The following CCDC25 variants were observed in gnomAD, a reference collection of about 807,000 sequenced individuals.
CCDC25 encodes coiled-coil domain-containing protein 25.
Under a neutral mutation model 35.3 loss-of-function variants are expected in CCDC25, and 16 were observed. The ratio of observed to expected loss-of-function variants is 0.45; its 90% CI spans 0.31 to 0.69. CCDC25 has a LOEUF of 0.69. Ranked by LOEUF, CCDC25 falls within the 30% of genes least tolerant of loss-of-function variation. The pLI, the probability that CCDC25 is intolerant of heterozygous loss-of-function variation, is 0.06. For synonymous variants in CCDC25, 79 were observed against 80.3 expected (o/e 0.98, Z 0.09); for missense variants, 179 against 250.7 (o/e 0.71, Z 1.93).
At position 27,733,797 on chromosome 8, in the gene CCDC25, C is replaced by T. The variant is rs1359398979; in HGVS notation, c.*2419G>A. 6.6e-6 allele frequency: 1 copy of T among 152,182 alleles called. No individual in the cohort carries two copies. The highest frequency in any genetic ancestry group is 6.5e-5 in the Admixed American group (1 of 15,284). 9.4% of individuals were successfully genotyped at this position (152,182 alleles called of 1,614,324 possible). On this transcript the variant is annotated 3_prime_UTR_variant, in exon 9 of 9. Transcript: ENST00000356537. Reference sequence around the variant, plus strand: ...AAATTGTTCCTTTTCCATTTTGCCACCCTGCTCAGTTTTCCTCATAAACGG... The same window carrying T: ...AAATTGTTCCTTTTCCATTTTGCCATCCTGCTCAGTTTTCCTCATAAACGG...
In CCDC25 at chr8:27,765,269, T is replaced by A. The variant is rs1315139522; in HGVS notation, c.29-18A>T. 3 of 1,443,260 alleles carry A rather than the reference T, an allele frequency of 2.1e-6. No homozygotes were observed. Among genetic ancestry groups the A allele is most frequent in the East Asian group, 2.5e-5 (1 of 40,026 alleles). 89.4% of individuals were successfully genotyped at this position (1,443,260 alleles called of 1,614,324 possible). A position where few individuals can be genotyped will look rare whatever the true frequency, so the allele number is the denominator to read the frequency against. On this transcript the variant is annotated intron_variant, in intron 1 of 8. Coordinates refer to ENST00000356537, the MANE Select transcript of CCDC25 (RefSeq NM_018246.3). ...TGAATTAACTAAGATAAAACAAAAA[T>A]AAAAAACAATTAGTAACTTCATCAC...
rs950411931 is a variant in CCDC25, at chr8:27,772,602, G to A, written c.-62C>T. 2 of 1,513,652 alleles carry A rather than the reference G, an allele frequency of 1.3e-6. No individual in the cohort carries two copies. The highest frequency in any genetic ancestry group is 1.4e-5 in the African/African-American group (1 of 72,292). 93.8% of individuals were successfully genotyped at this position (1,513,652 alleles called of 1,614,324 possible). ...AGCAGCGCTCAACTCACGAAGCTCA[G>A]GATACCAGACTCGCGGCGGCCGCCT... On this transcript the variant is annotated 5_prime_UTR_variant, in exon 1 of 9. Coordinates refer to ENST00000356537, the MANE Select transcript of CCDC25 (RefSeq NM_018246.3).
intron 5 of CCDC25, among the ~76,000 whole-genome samples, chr8:27,751,160 C>A (rs973196406): frequency 5.9e-5 from 9 of 152,230 alleles, no homozygotes; most frequent in Admixed American, 2.0e-4. Flanking sequence ...AGCAGCTGGG[C>A]CAAGAATAAG....
chr8:27,770,034 C>A (rs1418022058), intron 1 of CCDC25, among the ~76,000 whole-genome samples: 3 of 152,232 alleles, frequency 2.0e-5, no homozygotes, highest in Admixed American at 2.0e-4. Flanking sequence ...ATCCCAGCTA[C>A]TTGGGAGACT....
At chr8:27,743,289 T>C (rs1174084535) in intron 7 of CCDC25, among the ~76,000 whole-genome samples, 1 of 152,188 alleles carries the variant, frequency 6.6e-6, no homozygotes, top group Non-Finnish European at 1.5e-5. Flanking sequence ...CCCACTCTGG[T>C]TCCCTTTACA....
chr8:27,772,590 T>C lies in CCDC25; in HGVS notation c.-50A>G. On this transcript the variant is annotated 5_prime_UTR_variant, in exon 1 of 9. Transcript: ENST00000356537. ...CCACCGCGGAGCAGCAGCGCTCAAC[T>C]CACGAAGCTCAGGATACCAGACTCG... 1 of 1,535,746 alleles carries C rather than the reference T, an allele frequency of 6.5e-7. No individual in the cohort carries two copies. Among genetic ancestry groups the C allele is most frequent in the Non-Finnish European group, 8.8e-7 (1 of 1,135,758 alleles).
intron 1 of CCDC25, among the ~76,000 whole-genome samples, chr8:27,770,392 A>C (rs1046293178): frequency 6.6e-6 from 1 of 152,040 alleles, no homozygotes; most frequent in Non-Finnish European, 1.5e-5. Context: ...GTGCCACTGC[A>C]CTCTAGCCTG....
intron 3 of CCDC25, among the ~76,000 whole-genome samples, chr8:27,757,588 T>C (rs1039991231): frequency 2.0e-5 from 3 of 152,284 alleles, no homozygotes; most frequent in Non-Finnish European, 4.4e-5. Context: ...TTAAAATCTA[T>C]GCAACATTCA....
At chr8:27,752,475 C>T in intron 5 of CCDC25, 37 bp downstream of exon 5, 1 of 1,490,934 alleles carries the variant, frequency 6.7e-7, no homozygotes, top group Non-Finnish European at 9.4e-7. Context: ...CAGAGAAAGT[C>T]CGTGCTAATT....
chr8:27,746,558 C>G (rs1019828411), intron 7 of CCDC25, among the ~76,000 whole-genome samples: 1 of 152,112 alleles, frequency 6.6e-6, no homozygotes, highest in Non-Finnish European at 1.5e-5. Context: ...AGTTTCCCCC[C>G]ACTCCAAACT....
intron 7 of CCDC25, among the ~76,000 whole-genome samples, chr8:27,747,493 G>A: frequency 6.6e-6 from 1 of 152,142 alleles, no homozygotes; most frequent in East Asian, 1.9e-4. Context: ...TACTACATTT[G>A]TGGCAATTTG....
intron 3 of CCDC25, 74 bp downstream of exon 3, chr8:27,762,345 T>C: frequency 7.6e-7 from 1 of 1,315,502 alleles, no homozygotes; most frequent in Non-Finnish European, 1.1e-6. Flanking sequence ...AGCATGATTC[T>C]AGTTTGAATG....
chr8:27,768,598 T>C (rs1230446607), intron 1 of CCDC25, among the ~76,000 whole-genome samples: 1 of 144,312 alleles, frequency 6.9e-6, no homozygotes, highest in Non-Finnish European at 1.5e-5. Flanking sequence ...AAATGAAAAA[T>C]AAAAAGGAAC....
At chr8:27,740,760 T>G (rs935196902) in intron 7 of CCDC25, among the ~76,000 whole-genome samples, 2 of 152,376 alleles carry the variant, frequency 1.3e-5, no homozygotes, top group Admixed American at 1.3e-4. Flanking sequence ...TTGTTTCATG[T>G]CACCACCTCC....
At chr8:27,767,792 A>C (rs1288963840) in intron 1 of CCDC25, among the ~76,000 whole-genome samples, 1 of 152,212 alleles carries the variant, frequency 6.6e-6, no homozygotes, top group Non-Finnish European at 1.5e-5. Context: ...TTAGAAAATA[A>C]ATCTGAAGCA....
intron 3 of CCDC25, among the ~76,000 whole-genome samples, 191 bp from the exon 4 acceptor site, chr8:27,756,961 C>A (rs1319170374): frequency 2.0e-5 from 3 of 152,172 alleles, no homozygotes; most frequent in Non-Finnish European, 4.4e-5. Flanking sequence ...GTACGAGAAA[C>A]ACTGAATTAT....
chr8:27,752,306 A>G (rs922453318), intron 5 of CCDC25, among the ~76,000 whole-genome samples: 3 of 152,224 alleles, frequency 2.0e-5, no homozygotes, highest in African/African-American at 7.2e-5. Context: ...GGACGGTCAA[A>G]ATGACAAGGG....
At chr8:27,770,743 A>G (rs1384949208) in intron 1 of CCDC25, among the ~76,000 whole-genome samples, 12 of 149,588 alleles carry the variant, frequency 8.0e-5, no homozygotes, top group African/African-American at 2.9e-4. Flanking sequence ...CCGTCTCCAA[A>G]AAAAAAAAAA....
At chr8:27,767,225 G>A (rs879732057) in intron 1 of CCDC25, among the ~76,000 whole-genome samples, 1 of 152,120 alleles carries the variant, frequency 6.6e-6, no homozygotes, top group Non-Finnish European at 1.5e-5. Context: ...AATTAGCCAG[G>A]TGTGGTGGCA....
Sources: allele counts gnomAD v4.1 joint callset (sites outside exome capture counted in the v4.1 genomes callset), GRCh38; gene constraint gnomAD v4.1.1; transcripts MANE v1.5; gene names NCBI Gene and HGNC (gene_info 2026-07-23, HGNC 2026-07-21).